HYAL4: variants seen among roughly 807,000 people sequenced by gnomAD.
The protein encoded by HYAL4 is hyaluronidase-4.
HYAL4 carries 37 observed loss-of-function variants against 35.2 expected under a neutral mutation model. The observed-to-expected ratio is 1.05, with a 90% CI of 0.81 to 1.38. The LOEUF (loss-of-function observed/expected upper bound fraction) is 1.38, where lower values mean the gene tolerates loss of function less well. Among genes scored for constraint, HYAL4 ranks in the 40% most tolerant of loss-of-function variants. The probability of loss-of-function intolerance (pLI) is 0.00; values close to 1 mark genes in which losing one functional copy is unlikely to be tolerated. For missense variants in HYAL4, 572 were observed against 572.4 expected, an observed-to-expected ratio of 1.00 and a Z score of 0.01; for synonymous variants, 198 against 203.2, an observed-to-expected ratio of 0.97 and a Z score of 0.22.
the HYAL4 span, among the ~76,000 whole-genome samples, chr7:123,795,231 C>A: frequency 2.0e-5 from 3 of 152,166 alleles, no homozygotes; most frequent in Admixed American, 2.0e-4. Context: ...AACTAACTTA[C>A]TTTTGATTTT....
chr7:123,856,909 G>A lies in HYAL4; in HGVS notation c.-52+8751G>A, dbSNP rs566115492. On this transcript the variant is annotated intron_variant, in intron 2 of 4. Transcript: ENST00000223026. Reference sequence around the variant, plus strand: ...CAGAGAGGAGGAATCTAGAGAGGCAGTTTGGCTACAGTGGCTTTGCCGAGC... The same window carrying A: ...CAGAGAGGAGGAATCTAGAGAGGCAATTTGGCTACAGTGGCTTTGCCGAGC... Among the ~76,000 whole-genome samples, 8 of 152,304 alleles carry A rather than the reference G, an allele frequency of 5.3e-5. No homozygotes were observed. In the South Asian group the frequency reaches 8.3e-4, roughly 16 times the overall value.
the HYAL4 span, among the ~76,000 whole-genome samples, chr7:123,813,324 T>G: frequency 1.9e-3 from 288 of 152,314 alleles, no homozygotes; most frequent in African/African-American, 6.7e-3. Context: ...AACTATTAGA[T>G]AGTCCTTATA....
At chr7:123,857,356 T>A (rs184184984) in intron 2 of HYAL4, among the ~76,000 whole-genome samples, 2 of 152,206 alleles carry the variant, frequency 1.3e-5, no homozygotes, top group African/African-American at 4.8e-5. Flanking sequence ...GCGAAGACCA[T>A]GGGAAAAGCA....
At chr7:123,779,265 G>A in the HYAL4 span, among the ~76,000 whole-genome samples, 3 of 151,668 alleles carry the variant, frequency 2.0e-5, no homozygotes, top group African/African-American at 4.8e-5. Flanking sequence ...AATAAAAAGG[G>A]GTCTTGAGAA....
chr7:123,862,040 A>C (rs1181428233), intron 2 of HYAL4, among the ~76,000 whole-genome samples: 1 of 152,176 alleles, frequency 6.6e-6, no homozygotes, highest in African/African-American at 2.4e-5. Flanking sequence ...GATGTTTCAA[A>C]AGAGAAAAAG....
intron 2 of HYAL4, among the ~76,000 whole-genome samples, chr7:123,865,205 C>A (rs1317855321): frequency 6.6e-6 from 1 of 152,070 alleles, no homozygotes; most frequent in East Asian, 1.9e-4. Flanking sequence ...TTGAATGAGA[C>A]CAAAGCAGGA....
chr7:123,767,758 A>C, the HYAL4 span, among the ~76,000 whole-genome samples: 1 of 152,160 alleles, frequency 6.6e-6, no homozygotes, highest in South Asian at 2.1e-4. Context: ...AGTTCCACCC[A>C]CACACATATA....
At position 123,832,492 on chromosome 7, in the gene HYAL4, T is replaced by C. The variant is rs1279032582; in HGVS notation, c.-257+3368T>C. ...TATTGTGTCATACTTTTTTTTTTTT[T>C]TTTTTTTTTTTTTTTTTTTTTTTTT... On this transcript the variant is annotated intron_variant, in intron 1 of 4. Transcript: ENST00000489978. 8.2e-3 allele frequency among the ~76,000 whole-genome samples: 691 copies of C among 84,710 alleles called. 39 individuals carry two copies. The highest frequency in any genetic ancestry group is 0.032 in the African/African-American group (657 of 20,282). The allele number at this position is 84,710 out of a possible 152,430, so 55.6% of individuals were successfully genotyped here. A position where few individuals can be genotyped will look rare whatever the true frequency, so the allele number is the denominator to read the frequency against.
At chr7:123,773,268 A>G in the HYAL4 span, among the ~76,000 whole-genome samples, 1 of 152,210 alleles carries the variant, frequency 6.6e-6, no homozygotes, top group South Asian at 2.1e-4. Context: ...GAAAAAACAT[A>G]TAAACTGTGG....
chr7:123,874,804 C>T lies in HYAL4; in HGVS notation c.998C>T (p.Ala333Val). The T allele has an allele frequency of 5.0e-6, 8 of 1,610,390 alleles. No homozygotes were observed. The highest frequency in any genetic ancestry group is 5.9e-6 in the Non-Finnish European group (7 of 1,176,548). The change falls in exon 4 of 5, where the codon GCT (alanine) becomes GTT (valine). Residue 333 changes from alanine (A) to valine (V), a missense_variant. Coordinates refer to ENST00000223026, the MANE Select transcript of HYAL4 (RefSeq NM_012269.3). ...ATAGGAGAAAGTGCTGCCTTGGGAG[C>T]TGCAGGCATTGTTATTTGGGGAGAC... Reference protein sequence around the residue: ...STIGESAALGAAGIVIWGDMN... With the variant: ...STIGESAALGVAGIVIWGDMN...
chr7:123,800,476 TAAAAAAAAA>T, the HYAL4 span, among the ~76,000 whole-genome samples: 1 of 120,336 alleles, frequency 8.3e-6, no homozygotes, highest in Non-Finnish European at 1.8e-5. Flanking sequence ...GCCTGAAAAT[TAAAAAAAAA>T]AAAAAAAAAA....
the HYAL4 span, among the ~76,000 whole-genome samples, chr7:123,766,788 G>A: frequency 7.6e-4 from 116 of 152,214 alleles, no homozygotes; most frequent in African/African-American, 2.8e-3. Flanking sequence ...TCTGATGATA[G>A]TTATAAAATA....
the HYAL4 span, among the ~76,000 whole-genome samples, chr7:123,777,542 C>T: frequency 6.6e-6 from 1 of 151,982 alleles, no homozygotes; most frequent in Admixed American, 6.6e-5. Context: ...CTTTTTAATT[C>T]ACACGTGCAA....
At chr7:123,767,215 CTT>C in the HYAL4 span, among the ~76,000 whole-genome samples, 2 of 152,128 alleles carry the variant, frequency 1.3e-5, no homozygotes, top group African/African-American at 2.4e-5. Flanking sequence ...TATTTAATAA[CTT>C]TATCGTATAT....
At chr7:123,859,908 C>T (rs1806540336) in intron 2 of HYAL4, among the ~76,000 whole-genome samples, 1 of 152,150 alleles carries the variant, frequency 6.6e-6, no homozygotes, top group African/African-American at 2.4e-5. Flanking sequence ...TGGAAGCAAG[C>T]AATATAACCT....
the HYAL4 span, among the ~76,000 whole-genome samples, chr7:123,819,895 C>T: frequency 0.013 from 1,811 of 138,846 alleles, 33 homozygotes; most frequent in African/African-American, 0.044. Flanking sequence ...CTTTTTTTTT[C>T]TTTTTTTTTT....
the HYAL4 span, among the ~76,000 whole-genome samples, chr7:123,771,558 C>T: frequency 1.1e-4 from 17 of 152,052 alleles, no homozygotes; most frequent in African/African-American, 4.1e-4. Flanking sequence ...ATATTTTTTC[C>T]ATAGTGTTTC....
chr7:123,780,564 G>A, the HYAL4 span, among the ~76,000 whole-genome samples: 1 of 152,162 alleles, frequency 6.6e-6, no homozygotes, highest in African/African-American at 2.4e-5. Flanking sequence ...GAAATCATCT[G>A]CACAGCCAAA....
At chr7:123,874,925 G>T in intron 4 of HYAL4, 75 bp downstream of exon 4, 1 of 842,178 alleles carries the variant, frequency 1.2e-6, no homozygotes, top group South Asian at 1.4e-5. Flanking sequence ...AGAGCTTAAT[G>T]ACCTCCATAG....
Sources: allele counts gnomAD v4.1 joint callset (sites outside exome capture counted in the v4.1 genomes callset), GRCh38; gene constraint gnomAD v4.1.1; transcripts MANE v1.5; gene names NCBI Gene and HGNC (gene_info 2026-07-23, HGNC 2026-07-21).